Variants in CIROZ observed in about 807,000 individuals in gnomAD.
CIROZ encodes ciliated left-right organizer ZP-N domains-containing protein.
At chr1:10,956,899 T>C in the CIROZ span, 1 of 814,344 alleles carries the variant, frequency 1.2e-6, no homozygotes, top group Non-Finnish European at 1.9e-6. Context: ...TAGCCAAGGT[T>C]GGGACTGAGG....
the CIROZ span, among the ~76,000 whole-genome samples, chr1:10,947,376 C>T: frequency 2.4e-4 from 36 of 152,344 alleles, no homozygotes; most frequent in East Asian, 2.5e-3. Flanking sequence ...TGCAGGCAGA[C>T]GGCCTGCCGC....
At chr1:10,956,967 G>A in the CIROZ span, 2 of 1,464,996 alleles carry the variant, frequency 1.4e-6, no homozygotes, top group South Asian at 1.2e-5. Context: ...GGAGAAAACA[G>A]ACCAGAATGT....
chr1:10,954,096 C>T, the CIROZ span: 1 of 1,613,534 alleles, frequency 6.2e-7, no homozygotes, highest in Non-Finnish European at 8.5e-7. Flanking sequence ...CAGGTCTACC[C>T]TATAGAAAGC....
At chr1:10,957,879 C>T in the CIROZ span, 1 of 1,140,666 alleles carries the variant, frequency 8.8e-7, no homozygotes, top group East Asian at 2.4e-5. Context: ...ATAATCTAGG[C>T]CAGGAGGCAG....
At chr1:10,957,255 C>T in the CIROZ span, 4 of 645,114 alleles carry the variant, frequency 6.2e-6, no homozygotes, top group East Asian at 2.9e-5. Context: ...GGGATTATGG[C>T]GCCGATGCAA....
At chr1:10,981,862 C>T in the CIROZ span, 1 of 908,690 alleles carries the variant, frequency 1.1e-6, no homozygotes, top group Non-Finnish European at 1.6e-6. Context: ...CCAAGGCATC[C>T]ATGCATCTGG....
chr1:10,950,034 T>C, the CIROZ span, among the ~76,000 whole-genome samples: 1 of 142,406 alleles, frequency 7.0e-6, no homozygotes, highest in Non-Finnish European at 1.5e-5. Flanking sequence ...AAGATTCTTT[T>C]TTTTTTTTTT....
At chr1:10,964,121 C>T in the CIROZ span, 1 of 1,613,366 alleles carries the variant, frequency 6.2e-7, no homozygotes. Flanking sequence ...CCCCCCGAAC[C>T]CATTACCTGG....
the CIROZ span, chr1:10,956,919 G>T: frequency 1.0e-6 from 1 of 976,604 alleles, no homozygotes; most frequent in Non-Finnish European, 1.5e-6. Flanking sequence ...GAGAGGAGAG[G>T]TGGGATGAGA....
the CIROZ span, chr1:10,949,328 A>AC: frequency 8.7e-6 from 4 of 460,452 alleles, no homozygotes; most frequent in Non-Finnish European, 1.6e-5. Context: ...ATAGCTGCTG[A>AC]CCCCCCACCC....
chr1:10,972,304 AT>A, the CIROZ span, among the ~76,000 whole-genome samples: 1 of 152,164 alleles, frequency 6.6e-6, no homozygotes, highest in Non-Finnish European at 1.5e-5. Context: ...GCTCTGGAAG[AT>A]GAGGCAGCAG....
At chr1:10,949,005 A>G in the CIROZ span, 1 of 578,342 alleles carries the variant, frequency 1.7e-6, no homozygotes, top group South Asian at 6.1e-5. Flanking sequence ...CGGGTGGATC[A>G]CTTGAGGCCA....
chr1:10,948,128 G>T, the CIROZ span: 1 of 1,613,578 alleles, frequency 6.2e-7, no homozygotes, highest in Non-Finnish European at 8.5e-7. Context: ...TCACACTTGG[G>T]GTGGAGAATG....
the CIROZ span, chr1:10,957,578 C>A: frequency 7.5e-6 from 12 of 1,609,856 alleles, no homozygotes; most frequent in Non-Finnish European, 9.3e-6. Flanking sequence ...CCCCAGAGGC[C>A]CCTCACCTCC....
chr1:10,964,327 G>A, the CIROZ span: 2 of 1,533,960 alleles, frequency 1.3e-6, no homozygotes, highest in Non-Finnish European at 1.8e-6. Context: ...ACAGTTAATA[G>A]CCTGCAATTA....
the CIROZ span, among the ~76,000 whole-genome samples, chr1:10,969,397 G>A: frequency 6.6e-6 from 1 of 152,162 alleles, no homozygotes; most frequent in Non-Finnish European, 1.5e-5. Flanking sequence ...AAAGGTTTCT[G>A]GAAGTGACAC....
At chr1:10,948,830 T>C in the CIROZ span, 4 of 1,510,458 alleles carry the variant, frequency 2.6e-6, no homozygotes, top group African/African-American at 5.6e-5. Flanking sequence ...TTTGCAGGAA[T>C]GGTCCAAGCC....
the CIROZ span, among the ~76,000 whole-genome samples, chr1:10,975,135 C>T: frequency 1.3e-5 from 2 of 151,962 alleles, no homozygotes; most frequent in Non-Finnish European, 2.9e-5. Flanking sequence ...GGGCCGGGCG[C>T]GGTGGCTCAT....
chr1:10,978,583 G>A, the CIROZ span, among the ~76,000 whole-genome samples: 11 of 151,956 alleles, frequency 7.2e-5, 1 homozygote, highest in Non-Finnish European at 1.2e-4. Context: ...GGTGGCATGC[G>A]CTTGTGGTCC....
Sources: allele counts gnomAD v4.1 joint callset (sites outside exome capture counted in the v4.1 genomes callset), GRCh38; gene constraint gnomAD v4.1.1; transcripts MANE v1.5; gene names NCBI Gene and HGNC (gene_info 2026-07-23, HGNC 2026-07-21).